The following ZDHHC11B variants were observed in gnomAD, a reference collection of about 807,000 sequenced individuals.
ZDHHC11B encodes probable palmitoyltransferase ZDHHC11B.
ZDHHC11B carries 17 observed loss-of-function variants against 42.3 expected under a neutral mutation model. The observed-to-expected ratio is 0.40, with a 90% CI of 0.27 to 0.60. The LOEUF (loss-of-function observed/expected upper bound fraction) is 0.60. Among genes scored for constraint, ZDHHC11B ranks in the 20% least tolerant of loss-of-function variants. The probability of loss-of-function intolerance (pLI) is 0.41; values close to 1 mark genes in which losing one functional copy is unlikely to be tolerated. For missense variants in ZDHHC11B, 262 were observed against 463.2 expected (o/e 0.57, Z 3.99); for synonymous variants, 123 against 193.5 (o/e 0.64, Z 3.02).
rs764065157 is a variant in ZDHHC11B, at chr5:758,683, C to T, written c.223-2539G>A. On this transcript the variant is annotated intron_variant, in intron 4 of 13. Coordinates refer to ENST00000508859, the MANE Select transcript of ZDHHC11B (RefSeq NM_001351303.2). ...GTTCAGCTGGCAAGGGACTCCCCCC[C>T]ACCAAGATTCCAGGGCAGTGTCTTC... is the stretch of plus-strand genomic sequence containing the variant. Among the ~76,000 whole-genome samples the T allele has an allele frequency of 2.4e-4, 36 of 151,840 alleles. 2 individuals are homozygous for T. Among genetic ancestry groups the T allele is most frequent in the African/African-American group, 3.9e-4 (16 of 41,418 alleles).
intron 1 of ZDHHC11B, among the ~76,000 whole-genome samples, chr5:783,879 G>GC (rs1184857413): frequency 4.3e-5 from 6 of 139,042 alleles, no homozygotes; most frequent in South Asian, 2.3e-4. Context: ...CAAGACAGCA[G>GC]CCCCCCTAAA....
chr5:750,779 C>G (rs1438198410), intron 7 of ZDHHC11B, among the ~76,000 whole-genome samples: 1 of 129,712 alleles, frequency 7.7e-6, no homozygotes, highest in Non-Finnish European at 1.7e-5. Context: ...GATGGGCACC[C>G]CCACCCTCCC....
chr5:778,776 G>A (rs1456800534), intron 1 of ZDHHC11B, among the ~76,000 whole-genome samples: 2 of 151,818 alleles, frequency 1.3e-5, no homozygotes, highest in East Asian at 3.9e-4. Context: ...CCTAGAAGAG[G>A]CAGAAGAGAA....
intron 6 of ZDHHC11B, among the ~76,000 whole-genome samples, 176 bp from the exon 7 acceptor site, chr5:751,433 GGA>G (rs1745686542): frequency 1.9e-5 from 1 of 53,470 alleles, no homozygotes; most frequent in African/African-American, 4.9e-5. Context: ...GTGGGGGCGG[GGA>G]GGCAGGGGCA....
At chr5:784,421 G>C (rs1254108791) in intron 1 of ZDHHC11B, among the ~76,000 whole-genome samples, 1 of 152,156 alleles carries the variant, frequency 6.6e-6, no homozygotes, top group African/African-American at 2.4e-5. Flanking sequence ...CGCGGCCGAC[G>C]GTGACCCCCG....
chr5:720,664 C>CT (rs1439373262), intron 12 of ZDHHC11B, among the ~76,000 whole-genome samples: 1 of 151,752 alleles, frequency 6.6e-6, no homozygotes, highest in Non-Finnish European at 1.5e-5. Flanking sequence ...GTTTGTAACT[C>CT]TTTTTTTCTA....
chr5:754,551 A>G (rs1234928013), intron 6 of ZDHHC11B, among the ~76,000 whole-genome samples: 1 of 128,430 alleles, frequency 7.8e-6, no homozygotes, highest in African/African-American at 2.6e-5. Context: ...ATGAGCCTCC[A>G]CCGTGCTCAG....
At chr5:753,752 G>A (rs150505104) in intron 6 of ZDHHC11B, among the ~76,000 whole-genome samples, 10,443 of 146,662 alleles carry the variant, frequency 0.071, 600 homozygotes, top group Non-Finnish European at 0.081. Flanking sequence ...TGTCCCTGCC[G>A]GGCTGCTCAG....
chr5:730,210 C>T lies in ZDHHC11B; in HGVS notation c.1058+224G>A, dbSNP rs371280700. Among the ~76,000 whole-genome samples, 13 of 151,884 alleles carry T rather than the reference C, an allele frequency of 8.6e-5. No individual in the cohort carries two copies. The South Asian group carries it at 1.2e-3, about 15-fold the overall frequency. On this transcript the variant is annotated intron_variant, in intron 12 of 13. Transcript: ENST00000508859. ...AACTACGCTTGGCCTTATTTTTGTG[C>T]GTAAGTTCAAATGTTAGTTATAAAG...
chr5:757,109 C>T (rs6883801), intron 4 of ZDHHC11B, among the ~76,000 whole-genome samples: 57,420 of 149,040 alleles, frequency 0.39, 6,364 homozygotes, highest in African/African-American at 0.47. Context: ...ACACAGACTC[C>T]CCATGGCAAC....
rs767779980 is a variant in ZDHHC11B, at chr5:733,805, A to G, written c.970T>C (p.Cys324Arg). ...ACTGAAGTGCAGAAGTGACATGGGC[A>G]TTTGTAAATCAGCAGGGAGCTCTTG... The part of the protein sequence containing the change: ...KAKSSLLIYK[C>R]PCHFCTSVNQ... The change falls in exon 11 of 14, where the codon TGC becomes CGC. Residue 324 changes from cysteine to arginine, a missense_variant. Physicochemically the swap from Cys to Arg is radical, Grantham distance 180. Transcript: ENST00000508859. The G allele has an allele frequency of 6.7e-7, 1 of 1,485,110 alleles. No individual in the cohort carries two copies. The allele number at this position is 1,485,110 out of a possible 1,614,324, so 92.0% of individuals were successfully genotyped here.
At chr5:771,393 A>G (rs1736022161) in intron 1 of ZDHHC11B, among the ~76,000 whole-genome samples, 1 of 151,534 alleles carries the variant, frequency 6.6e-6, no homozygotes, top group South Asian at 2.1e-4. Context: ...AAAAATGCAG[A>G]TGCCAACCCA....
At chr5:725,145 G>A (rs1232296804) in intron 12 of ZDHHC11B, among the ~76,000 whole-genome samples, 5 of 151,340 alleles carry the variant, frequency 3.3e-5, no homozygotes, top group African/African-American at 1.2e-4. Context: ...TTCAGAACAC[G>A]CATGTGAGTG....
intron 1 of ZDHHC11B, among the ~76,000 whole-genome samples, chr5:783,916 C>T (rs1737062327): frequency 1.3e-5 from 2 of 150,112 alleles, no homozygotes; most frequent in Admixed American, 1.3e-4. Context: ...AGCCCCGCCA[C>T]TGCCCGGGAG....
chr5:750,757 C>G (rs56317254), intron 7 of ZDHHC11B, among the ~76,000 whole-genome samples: 18,198 of 122,844 alleles, frequency 0.15, 1,149 homozygotes, highest in East Asian at 0.34. Context: ...TCCCCATGGG[C>G]TGCTCCTGCA....
At chr5:761,141 G>T (rs184338709) in intron 4 of ZDHHC11B, among the ~76,000 whole-genome samples, 1 of 152,028 alleles carries the variant, frequency 6.6e-6, no homozygotes, top group Admixed American at 6.6e-5. Flanking sequence ...GTTGGAGAAT[G>T]TTGGCGTGGA....
At chr5:745,724 AG>A (rs1319607055) in intron 8 of ZDHHC11B, among the ~76,000 whole-genome samples, 1 of 150,090 alleles carries the variant, frequency 6.7e-6, no homozygotes, top group Non-Finnish European at 1.5e-5. Flanking sequence ...CTGAGGGTCC[AG>A]GTGGCCTGTG....
intron 4 of ZDHHC11B, among the ~76,000 whole-genome samples, chr5:762,352 G>A (rs1307605760): frequency 2.0e-5 from 3 of 151,912 alleles, no homozygotes; most frequent in Admixed American, 6.6e-5. Context: ...GAGGGATGCA[G>A]CAAGATAGCG....
chr5:784,551 G>A (rs1209492264), intron 1 of ZDHHC11B, among the ~76,000 whole-genome samples, 117 bp downstream of exon 1: 3 of 152,232 alleles, frequency 2.0e-5, no homozygotes, highest in Non-Finnish European at 4.4e-5. Flanking sequence ...TGTGGCTCGG[G>A]GGAGCGCGGG....
Sources: gnomAD v4.1 joint callset for allele counts (sites outside exome capture counted in the v4.1 genomes callset) on GRCh38, gnomAD v4.1.1 for gene constraint, MANE v1.5 for transcripts, NCBI Gene and HGNC (gene_info 2026-07-23, HGNC 2026-07-21) for gene names.